The following CADPS2 variants were observed in gnomAD, a reference collection of about 807,000 sequenced individuals.
CADPS2 encodes the protein calcium dependent secretion activator 2, also known as calcium-dependent secretion activator 2.
In CADPS2, 93 loss-of-function variants were observed where a neutral mutation model predicts 172.5. The observed-to-expected ratio is 0.54, with a 90% CI of 0.46 to 0.64. The LOEUF (loss-of-function observed/expected upper bound fraction) is 0.64, where lower values mean the gene tolerates loss of function less well. Among genes scored for constraint, CADPS2 ranks in the 30% least tolerant of loss-of-function variants. CADPS2 has a pLI of 0.00. For synonymous variants in CADPS2, 546 were observed against 555.2 expected (o/e 0.98, Z 0.23); for missense variants, 1,420 against 1,565.9 (o/e 0.91, Z 1.57).
At chr7:122,786,369 T>C (rs1794044300) in intron 1 of CADPS2, among the ~76,000 whole-genome samples, 2 of 152,170 alleles carry the variant, frequency 1.3e-5, no homozygotes, top group African/African-American at 4.8e-5. Context: ...TCAGATAATG[T>C]CTGGAGCAAA....
At chr7:122,559,372 A>G (rs572136315) in intron 7 of CADPS2, among the ~76,000 whole-genome samples, 22 of 152,194 alleles carry the variant, frequency 1.4e-4, no homozygotes, top group Admixed American at 7.2e-4. Flanking sequence ...TGTTCCCTGG[A>G]CTTAGCCTCA....
intron 1 of CADPS2, among the ~76,000 whole-genome samples, chr7:122,875,151 G>A (rs181929794): frequency 6.6e-6 from 1 of 152,322 alleles, no homozygotes; most frequent in Admixed American, 6.5e-5. Flanking sequence ...GTTTGCAGAT[G>A]TGTACATACG....
chr7:122,856,275 T>A (rs1043719549), intron 1 of CADPS2, among the ~76,000 whole-genome samples: 2 of 152,172 alleles, frequency 1.3e-5, no homozygotes, highest in African/African-American at 4.8e-5. Context: ...TATCCCCAAA[T>A]CTTTTTCTTC....
chr7:122,460,657 G>A (rs115527420), intron 14 of CADPS2, among the ~76,000 whole-genome samples: 3,918 of 151,616 alleles, frequency 0.026, 158 homozygotes, highest in African/African-American at 0.09. Context: ...CAAAAATGTC[G>A]GCAGAAACAA....
chr7:122,822,015 C>T (rs1387336041), intron 1 of CADPS2, among the ~76,000 whole-genome samples: 1 of 152,032 alleles, frequency 6.6e-6, no homozygotes, highest in Non-Finnish European at 1.5e-5. Context: ...AGTCATACTC[C>T]TATTCACCGT....
chr7:122,751,142 C>T (rs570235346), intron 1 of CADPS2, among the ~76,000 whole-genome samples: 1 of 152,068 alleles, frequency 6.6e-6, no homozygotes, highest in Admixed American at 6.6e-5. Context: ...AGGCATTTCT[C>T]TTTGTTACTG....
intron 15 of CADPS2, among the ~76,000 whole-genome samples, chr7:122,445,531 T>G (rs1052414306): frequency 6.6e-6 from 1 of 152,156 alleles, no homozygotes; most frequent in African/African-American, 2.4e-5. Context: ...ATTTATATAT[T>G]TATCACAGGG....
intron 18 of CADPS2, among the ~76,000 whole-genome samples, chr7:122,415,571 C>T (rs1413374882): frequency 1.4e-5 from 2 of 141,198 alleles, no homozygotes; most frequent in Non-Finnish European, 3.0e-5. Context: ...TGCAGTCTTG[C>T]TATTACCAAC....
intron 15 of CADPS2, among the ~76,000 whole-genome samples, chr7:122,446,083 A>G (rs2052151068): frequency 6.6e-6 from 1 of 152,204 alleles, no homozygotes; most frequent in Non-Finnish European, 1.5e-5. Context: ...GTCTTTTACC[A>G]TTAAGTATGT....
intron 5 of CADPS2, among the ~76,000 whole-genome samples, chr7:122,617,785 TGTA>T: frequency 6.6e-6 from 1 of 152,198 alleles, no homozygotes; most frequent in Non-Finnish European, 1.5e-5. Context: ...GGCTCACGCC[TGTA>T]ATCTCAGCAC....
At chr7:122,567,943 T>A (rs891420321) in intron 7 of CADPS2, among the ~76,000 whole-genome samples, 2 of 152,108 alleles carry the variant, frequency 1.3e-5, no homozygotes, top group African/African-American at 4.8e-5. Context: ...CATATCAATA[T>A]TCATATTAAA....
At chr7:122,438,521 GA>G (rs2050949756) in intron 16 of CADPS2, 57 bp from the exon 17 acceptor site, 2 of 1,562,664 alleles carry the variant, frequency 1.3e-6, no homozygotes, top group African/African-American at 1.4e-5. Context: ...ACAGATGGAA[GA>G]AAAAAGACAG....
chr7:122,859,468 G>C (rs1004626173), intron 1 of CADPS2, among the ~76,000 whole-genome samples: 1 of 152,074 alleles, frequency 6.6e-6, no homozygotes, highest in Non-Finnish European at 1.5e-5. Context: ...TAGAACCTTG[G>C]TCATTTAGAA....
In CADPS2 at chr7:122,499,082, G is replaced by T. The variant is rs551381880; in HGVS notation, c.1543-7662C>A. Reference sequence around the variant, plus strand: ...TCCCTTATATTTAATAAAATAAACTGGGACTTTGACATTCTTTAAGTACAA... The same window carrying T: ...TCCCTTATATTTAATAAAATAAACTTGGACTTTGACATTCTTTAAGTACAA... On this transcript the variant is annotated intron_variant, in intron 9 of 29. Transcript: ENST00000449022. Among the ~76,000 whole-genome samples the T allele has an allele frequency of 2.5e-3, 382 of 152,254 alleles. 3 individuals are homozygous for T. Among genetic ancestry groups the T allele is most frequent in the African/African-American group, 8.9e-3 (369 of 41,540 alleles).
chr7:122,407,492 C>G, intron 20 of CADPS2, 48 bp downstream of exon 20: 2 of 1,569,160 alleles, frequency 1.3e-6, no homozygotes, highest in Non-Finnish European at 1.7e-6. Flanking sequence ...ATTCAACATT[C>G]TCCCACCCCT....
At chr7:122,718,958 C>T (rs889157591) in intron 2 of CADPS2, among the ~76,000 whole-genome samples, 1 of 152,120 alleles carries the variant, frequency 6.6e-6, no homozygotes, top group African/African-American at 2.4e-5. Context: ...AATTACTTGC[C>T]ACCTACTGTT....
At chr7:122,592,365 T>C (rs1170010179) in intron 6 of CADPS2, among the ~76,000 whole-genome samples, 2 of 152,088 alleles carry the variant, frequency 1.3e-5, no homozygotes, top group Non-Finnish European at 2.9e-5. Context: ...TGTGGAGAAA[T>C]AGGAATGCTT....
At chr7:122,788,606 G>A (rs1022240688) in intron 1 of CADPS2, among the ~76,000 whole-genome samples, 2 of 152,158 alleles carry the variant, frequency 1.3e-5, no homozygotes, top group Non-Finnish European at 2.9e-5. Context: ...AGCTTTATAA[G>A]TGGTTTCTCT....
chr7:122,350,213 A>C (rs1563123066), intron 27 of CADPS2, among the ~76,000 whole-genome samples: 1 of 152,208 alleles, frequency 6.6e-6, no homozygotes, highest in Non-Finnish European at 1.5e-5. Flanking sequence ...TGTAAGATAT[A>C]AGACAATAAA....
Sources: gnomAD v4.1 joint callset for allele counts (sites outside exome capture counted in the v4.1 genomes callset) on GRCh38, gnomAD v4.1.1 for gene constraint, MANE v1.5 for transcripts, NCBI Gene and HGNC (gene_info 2026-07-23, HGNC 2026-07-21) for gene names.